MSI2: variants seen among roughly 807,000 people sequenced by gnomAD.
MSI2 encodes RNA-binding protein Musashi homolog 2.
Under a neutral mutation model 45.6 loss-of-function variants are expected in MSI2, and 17 were observed. The ratio of observed to expected loss-of-function variants is 0.37; its 90% confidence interval spans 0.26 to 0.56. The LOEUF (loss-of-function observed/expected upper bound fraction) is 0.56, where lower values mean the gene tolerates loss of function less well. MSI2 is among the 20% of genes least tolerant of loss of function. The pLI is 0.77. For synonymous variants in MSI2, 156 were observed against 158.2 expected, an observed-to-expected ratio of 0.99 and a Z score of 0.11; for missense variants, 293 against 444.2, an observed-to-expected ratio of 0.66 and a Z score of 3.06.
intron 6 of MSI2, among the ~76,000 whole-genome samples, chr17:57,477,726 G>A (rs1393785790): frequency 6.6e-6 from 1 of 152,204 alleles, no homozygotes; most frequent in Non-Finnish European, 1.5e-5. Flanking sequence ...TGGGGGTGGA[G>A]AGGTTGGCAA....
intron 7 of MSI2, among the ~76,000 whole-genome samples, chr17:57,574,870 G>A (rs547370595): frequency 1.5e-3 from 200 of 130,804 alleles, no homozygotes; most frequent in Middle Eastern, 4.7e-3. Context: ...TCGCTCTGTC[G>A]CCCAGGCTGG....
At chr17:57,347,928 A>T (rs1006984716) in intron 5 of MSI2, among the ~76,000 whole-genome samples, 2 of 152,226 alleles carry the variant, frequency 1.3e-5, no homozygotes, top group African/African-American at 4.8e-5. Context: ...GACTATGGCG[A>T]TAGAGCGGTG....
At chr17:57,661,068 A>G (rs762311752) in intron 11 of MSI2, among the ~76,000 whole-genome samples, 4 of 152,214 alleles carry the variant, frequency 2.6e-5, no homozygotes, top group Non-Finnish European at 4.4e-5. Context: ...TAAACACTCC[A>G]TAGATGTTAG....
At chr17:57,470,723 C>T (rs1033285544) in intron 6 of MSI2, among the ~76,000 whole-genome samples, 1 of 152,184 alleles carries the variant, frequency 6.6e-6, no homozygotes, top group Non-Finnish European at 1.5e-5. Flanking sequence ...CAGCAGTGCT[C>T]CTGGCAGCCA....
chr17:57,297,566 G>T (rs1201788818), intron 5 of MSI2, among the ~76,000 whole-genome samples: 1 of 152,228 alleles, frequency 6.6e-6, no homozygotes, highest in East Asian at 1.9e-4. Context: ...AGAAGGTTGG[G>T]GTGGTTGTGG....
intron 6 of MSI2, among the ~76,000 whole-genome samples, chr17:57,441,488 G>A (rs2084800047): frequency 6.6e-6 from 1 of 152,114 alleles, no homozygotes; most frequent in South Asian, 2.1e-4. Flanking sequence ...TTGGCATATA[G>A]ACAGACCTCT....
Position 57,455,418 on chromosome 17 carries a change from A to G in MSI2, c.405+53947A>G, listed in dbSNP as rs146492686. ...TGTTTTTCTCTCTTTTGCCTTTGTGAAAACCAACTTCCTGTGCAGCCGCTT... is the reference window on the plus strand; with the variant it reads ...TGTTTTTCTCTCTTTTGCCTTTGTGGAAACCAACTTCCTGTGCAGCCGCTT... On this transcript the variant is annotated intron_variant, in intron 6 of 13. Coordinates refer to ENST00000284073, the MANE Select transcript of MSI2 (RefSeq NM_138962.4). Among the ~76,000 whole-genome samples the G allele has an allele frequency of 3.5e-3, 526 of 152,302 alleles. 3 individuals carry two copies. The highest frequency in any genetic ancestry group is 0.012 in the African/African-American group (489 of 41,560).
intron 6 of MSI2, among the ~76,000 whole-genome samples, chr17:57,402,264 G>A (rs1284437836): frequency 1.3e-5 from 2 of 152,176 alleles, no homozygotes; most frequent in Admixed American, 1.3e-4. Flanking sequence ...GCTGACCCTT[G>A]TTGGCTTTTG....
At chr17:57,481,363 G>T (rs1277720112) in intron 6 of MSI2, among the ~76,000 whole-genome samples, 1 of 152,152 alleles carries the variant, frequency 6.6e-6, no homozygotes, top group African/African-American at 2.4e-5. Flanking sequence ...TCATTGTATT[G>T]TCTTCTCCAT....
At chr17:57,630,193 T>TGGGGGGGGGGGGGG (rs781446299) in intron 10 of MSI2, 1 of 146,904 alleles carries the variant, frequency 6.8e-6, no homozygotes, top group East Asian at 2.1e-4. Context: ...GGGCGGGGGA[T>TGGGGGGGGGGGGGG]GGACTGGGCT....
chr17:57,323,944 C>T (rs991117417), intron 5 of MSI2, among the ~76,000 whole-genome samples: 1 of 152,104 alleles, frequency 6.6e-6, no homozygotes, highest in Admixed American at 6.5e-5. Context: ...CTGGATTTCC[C>T]AGGTTATGCA....
chr17:57,387,704 G>C (rs183213244), intron 5 of MSI2, among the ~76,000 whole-genome samples: 10 of 152,334 alleles, frequency 6.6e-5, no homozygotes, highest in Admixed American at 3.3e-4. Context: ...TTAATTTATA[G>C]AGTGTGTGTC....
At chr17:57,663,157 C>T (rs1020083634) in intron 11 of MSI2, among the ~76,000 whole-genome samples, 2 of 150,184 alleles carry the variant, frequency 1.3e-5, no homozygotes, top group African/African-American at 2.5e-5. Flanking sequence ...GGGCTTTGCT[C>T]TGAGCCAGTG....
At chr17:57,441,729 A>G (rs2084803354) in intron 6 of MSI2, among the ~76,000 whole-genome samples, 1 of 152,120 alleles carries the variant, frequency 6.6e-6, no homozygotes. Flanking sequence ...AAACTTATGC[A>G]TGTAATTTCA....
At chr17:57,647,960 T>G (rs982830144) in intron 10 of MSI2, among the ~76,000 whole-genome samples, 14 of 148,198 alleles carry the variant, frequency 9.4e-5, no homozygotes, top group African/African-American at 2.3e-4. Context: ...TTTGTTGGTT[T>G]GTTTGTTTGT....
intron 10 of MSI2, among the ~76,000 whole-genome samples, chr17:57,639,430 G>A (rs563422564): frequency 2.3e-4 from 35 of 152,348 alleles, no homozygotes; most frequent in African/African-American, 8.4e-4. Flanking sequence ...TTTGGCATTG[G>A]GAAGCCAGTG....
At chr17:57,495,493 A>ACCACACT (rs1451672794) in intron 6 of MSI2, among the ~76,000 whole-genome samples, 1 of 133,816 alleles carries the variant, frequency 7.5e-6, no homozygotes, top group East Asian at 2.3e-4. Flanking sequence ...AGATTGCGCC[A>ACCACACT]CCACACTCCA....
At chr17:57,423,061 C>G (rs191759167) in intron 6 of MSI2, among the ~76,000 whole-genome samples, 2 of 152,258 alleles carry the variant, frequency 1.3e-5, no homozygotes, top group East Asian at 3.9e-4. Flanking sequence ...AGATAGGACT[C>G]TATTCTTTAA....
intron 11 of MSI2, among the ~76,000 whole-genome samples, chr17:57,660,112 G>A (rs1911885280): frequency 6.6e-6 from 1 of 152,142 alleles, no homozygotes; most frequent in Non-Finnish European, 1.5e-5. Context: ...CTTCGTGCCT[G>A]GCTTGTTCAG....
Sources: gnomAD v4.1 joint callset for allele counts (sites outside exome capture counted in the v4.1 genomes callset) on GRCh38, gnomAD v4.1.1 for gene constraint, MANE v1.5 for transcripts, NCBI Gene and HGNC (gene_info 2026-07-23, HGNC 2026-07-21) for gene names.